Variants in SYNGR1 observed in about 807,000 individuals in gnomAD.
SYNGR1 encodes synaptogyrin 1.
A neutral mutation model predicts 26.1 loss-of-function variants in SYNGR1; 14 were observed. That is an observed-to-expected ratio of 0.54 (90% CI 0.35 to 0.84). The LOEUF (loss-of-function observed/expected upper bound fraction) is 0.84, where lower values mean the gene tolerates loss of function less well. Among genes scored for constraint, SYNGR1 ranks in the 40% least tolerant of loss-of-function variants. SYNGR1 has a pLI of 0.01. For synonymous variants in SYNGR1, 141 were observed against 150.1 expected (o/e 0.94, Z 0.44); for missense variants, 319 against 332.9 (o/e 0.96, Z 0.33).
chr22:39,359,393 A>G lies in SYNGR1; in HGVS notation c.99+9284A>G, dbSNP rs183709997. Among the ~76,000 whole-genome samples the G allele has an allele frequency of 2.2e-3, 330 of 152,018 alleles. 2 individuals carry two copies. Among genetic ancestry groups the G allele is most frequent in the African/African-American group, 7.7e-3 (319 of 41,464 alleles). ...TCCTAGCATTTTGGGAGGCCAAGGC[A>G]GGCGGATCACAAGGTCAGGAGATCA... On this transcript the variant is annotated intron_variant, in intron 1 of 3. Coordinates refer to ENST00000328933, the MANE Select transcript of SYNGR1 (RefSeq NM_004711.5).
chr22:39,364,166 A>C, intron 1 of SYNGR1: 1 of 1,611,910 alleles, frequency 6.2e-7, no homozygotes, highest in Non-Finnish European at 8.5e-7. Context: ...GACACGGCTC[A>C]GGACCAGCAG....
intron 1 of SYNGR1, among the ~76,000 whole-genome samples, chr22:39,363,205 C>T (rs924270662): frequency 1.3e-5 from 2 of 151,602 alleles, no homozygotes; most frequent in Non-Finnish European, 2.9e-5. Context: ...CAGAGGAAGG[C>T]AGGAGCCCTG....
intron 2 of SYNGR1, chr22:39,375,580 G>A (rs144817144): frequency 1.2e-5 from 4 of 335,158 alleles, no homozygotes; most frequent in African/African-American, 2.1e-5. Context: ...CCCCAGCCTC[G>A]TCCTCCTTCC....
chr22:39,381,391 C>G (rs1925492735), intron 3 of SYNGR1, among the ~76,000 whole-genome samples: 1 of 152,178 alleles, frequency 6.6e-6, no homozygotes, highest in African/African-American at 2.4e-5. Context: ...TCTTAACACT[C>G]CATAATGGAG....
Position 39,368,163 on chromosome 22 carries a change from T to C in SYNGR1, c.100-6153T>C, listed in dbSNP as rs1013663724. Among the ~76,000 whole-genome samples the C allele has an allele frequency of 3.3e-5, 5 of 152,350 alleles. No homozygotes were observed. In the East Asian group the frequency reaches 7.7e-4, roughly 24 times the overall value. On this transcript the variant is annotated intron_variant, in intron 1 of 3. Coordinates refer to ENST00000328933, the MANE Select transcript of SYNGR1 (RefSeq NM_004711.5). The stretch of plus-strand genomic sequence containing the variant: ...CATGAGTTTAGTGGCAGTCTAGCCT[T>C]CTGGGGCTCCTTACTCCAGGCCACG...
intron 3 of SYNGR1, chr22:39,377,246 A>T (rs1254736687): frequency 1.0e-6 from 1 of 985,212 alleles, no homozygotes; most frequent in Non-Finnish European, 1.2e-6. Flanking sequence ...TGAGGGGTAC[A>T]CCCATCTCCC....
At chr22:39,377,472 T>C (rs1925336528) in intron 3 of SYNGR1, 1 of 1,531,652 alleles carries the variant, frequency 6.5e-7, no homozygotes, top group African/African-American at 1.4e-5. Flanking sequence ...GAGTAGTGGA[T>C]GATTTCTAGC....
At chr22:39,360,965 C>G (rs1924443607) in intron 1 of SYNGR1, among the ~76,000 whole-genome samples, 2 of 152,338 alleles carry the variant, frequency 1.3e-5, no homozygotes, top group South Asian at 4.1e-4. Flanking sequence ...CCTTAGGGCC[C>G]CAACTATGGA....
At chr22:39,355,102 C>T (rs987873406) in intron 1 of SYNGR1, among the ~76,000 whole-genome samples, 3 of 152,174 alleles carry the variant, frequency 2.0e-5, no homozygotes, top group Non-Finnish European at 2.9e-5. Flanking sequence ...GCTCCAATAA[C>T]GAGAACAGGA....
chr22:39,355,788 C>T (rs1924117816), intron 1 of SYNGR1, among the ~76,000 whole-genome samples: 1 of 152,174 alleles, frequency 6.6e-6, no homozygotes, highest in Non-Finnish European at 1.5e-5. Context: ...GAGGCAGAGG[C>T]AGGTGGATCA....
intron 1 of SYNGR1, among the ~76,000 whole-genome samples, chr22:39,361,992 G>A (rs957682009): frequency 1.3e-5 from 2 of 148,622 alleles, no homozygotes; most frequent in African/African-American, 5.0e-5. Context: ...CCCTCTCTGG[G>A]TCTTTGTTTC....
intron 1 of SYNGR1, among the ~76,000 whole-genome samples, chr22:39,363,436 T>C (rs1924582450): frequency 6.6e-6 from 1 of 150,988 alleles, no homozygotes; most frequent in African/African-American, 2.4e-5. Flanking sequence ...GACTTGACAG[T>C]TTTGGGAGGA....
chr22:39,367,491 G>C (rs1442572863), intron 1 of SYNGR1, among the ~76,000 whole-genome samples: 20 of 152,132 alleles, frequency 1.3e-4, no homozygotes, highest in Non-Finnish European at 7.3e-5. Context: ...GCGGTGGGCG[G>C]GGCCAGCACA....
At chr22:39,376,319 C>T in intron 3 of SYNGR1, 122 bp downstream of exon 3, 2 of 1,509,198 alleles carry the variant, frequency 1.3e-6, no homozygotes, top group Non-Finnish European at 1.8e-6. Context: ...TACCCTCGCT[C>T]CCTCTTCTGC....
intron 1 of SYNGR1, among the ~76,000 whole-genome samples, chr22:39,370,810 A>G (rs1033059190): frequency 6.6e-6 from 1 of 151,784 alleles, no homozygotes; most frequent in African/African-American, 2.4e-5. Context: ...GTATAGAGAC[A>G]GGGTTTCACC....
At chr22:39,358,634 C>T (rs1016912363) in intron 1 of SYNGR1, among the ~76,000 whole-genome samples, 1 of 152,102 alleles carries the variant, frequency 6.6e-6, no homozygotes, top group Admixed American at 6.6e-5. Context: ...GCCAGCAAGA[C>T]CACGAACCCA....
intron 3 of SYNGR1, chr22:39,379,770 G>A (rs896123435): frequency 4.6e-5 from 7 of 152,098 alleles, no homozygotes; most frequent in Non-Finnish European, 8.8e-5. Context: ...TTAGTGCCTC[G>A]TCAGGGGCCA....
In SYNGR1 at chr22:39,363,374, G is replaced by T. The variant is rs556218561; in HGVS notation, c.100-10942G>T. Among the ~76,000 whole-genome samples the T allele has an allele frequency of 5.5e-4, 83 of 152,182 alleles. No individual in the cohort carries two copies. The South Asian group carries it at 9.6e-3, about 18-fold the overall frequency. ...TGTGGGGGTGCAAGTGGACATATGG[G>T]CTGCTGTCATTGCCTGGAGAGGGGT... On this transcript the variant is annotated intron_variant, in intron 1 of 3. Transcript: ENST00000328933.
At chr22:39,377,488 G>A in intron 3 of SYNGR1, 8 of 1,541,608 alleles carry the variant, frequency 5.2e-6, no homozygotes, top group Non-Finnish European at 7.0e-6. Flanking sequence ...CTAGCCATGG[G>A]TCTGAAGTAC....
Sources: allele counts gnomAD v4.1 joint callset (sites outside exome capture counted in the v4.1 genomes callset), GRCh38; gene constraint gnomAD v4.1.1; transcripts MANE v1.5; gene names NCBI Gene and HGNC (gene_info 2026-07-23, HGNC 2026-07-21).